Variants in AMN1 observed in about 807,000 individuals in gnomAD.
AMN1 encodes antagonist of mitotic exit network 1 homolog, also known as protein AMN1 homolog.
AMN1 carries 20 observed loss-of-function variants against 33.0 expected under a neutral mutation model. That is an observed-to-expected ratio of 0.61 (90% CI 0.43 to 0.88). The LOEUF is 0.88. AMN1 is among the 40% of genes least tolerant of loss of function. The pLI is 0.00. For missense variants in AMN1, 246 were observed against 307.4 expected (o/e 0.80, Z 1.49); for synonymous variants, 114 against 111.9 (o/e 1.02, Z -0.12).
At chr12:31,713,923 CTGTT>C (rs1227008653) in intron 1 of AMN1, among the ~76,000 whole-genome samples, 2 of 152,184 alleles carry the variant, frequency 1.3e-5, no homozygotes, top group African/African-American at 2.4e-5. Context: ...CTATGTATCT[CTGTT>C]TGTAGAGACA....
At chr12:31,711,620 T>C (rs989148372) in intron 1 of AMN1, among the ~76,000 whole-genome samples, 2 of 152,088 alleles carry the variant, frequency 1.3e-5, no homozygotes, top group African/African-American at 4.8e-5. Flanking sequence ...ATTTTCAGGG[T>C]ACATGTGATA....
At chr12:31,726,983 T>G (rs1031598271) in intron 1 of AMN1, among the ~76,000 whole-genome samples, 1 of 152,010 alleles carries the variant, frequency 6.6e-6, no homozygotes, top group Non-Finnish European at 1.5e-5. Context: ...ATTTATCTAT[T>G]TATTTATTTA....
In AMN1 at chr12:31,706,639, G is replaced by A. The variant is rs74085165; in HGVS notation, c.171+2654C>T. On this transcript the variant is annotated intron_variant, in intron 2 of 6. Transcript: ENST00000281471. ...CTATTTAATAACCTTTAAAATCAGA[G>A]GCTGAAGGTTAAGCCCTAATCTCAC... 8.3e-3 allele frequency among the ~76,000 whole-genome samples: 1,271 copies of A among 152,300 alleles called. 18 individuals are homozygous for A. Among genetic ancestry groups the A allele is most frequent in the African/African-American group, 0.029 (1,199 of 41,558 alleles).
chr12:31,703,756 C>T (rs997427908), intron 2 of AMN1, among the ~76,000 whole-genome samples: 1 of 152,066 alleles, frequency 6.6e-6, no homozygotes, highest in African/African-American at 2.4e-5. Flanking sequence ...TATATTATTC[C>T]ATTTTCTGCA....
At chr12:31,703,925 C>T (rs1939113237) in intron 2 of AMN1, among the ~76,000 whole-genome samples, 1 of 152,188 alleles carries the variant, frequency 6.6e-6, no homozygotes, top group East Asian at 1.9e-4. Context: ...GCTCAGTTTT[C>T]TCTCTGTGCT....
intron 2 of AMN1, 29 bp from the exon 3 acceptor site, chr12:31,702,036 T>A (rs759776349): frequency 2.6e-6 from 4 of 1,525,370 alleles, no homozygotes; most frequent in East Asian, 2.4e-5. Context: ...TTTGAAAAAA[T>A]TATTTCTTTC....
At chr12:31,728,089 G>A (rs7298704) in intron 1 of AMN1, among the ~76,000 whole-genome samples, 17 of 151,742 alleles carry the variant, frequency 1.1e-4, no homozygotes, top group South Asian at 4.2e-4. Flanking sequence ...TCGAACTCCT[G>A]AGCTCAAGCA....
In AMN1 at chr12:31,687,001, TTTTTTTC is replaced by T. The variant is rs1360084426; in HGVS notation, c.703+1999_703+2005del. On this transcript the variant is annotated intron_variant, in intron 6 of 6. Transcript: ENST00000281471. This position sits in a 1 kb window ranked among gnomAD's most constrained non-coding sequence, Gnocchi z 4.1. ...GCAGCTAACCCCAGTTAACAGTTTC[TTTTTTTC>T]TTTTTTCTTTTTCTTTTTTTGACAC... is the stretch of plus-strand genomic sequence containing the variant. Among the ~76,000 whole-genome samples the T allele has an allele frequency of 1.3e-5, 2 of 152,154 alleles. No homozygotes were observed. Among genetic ancestry groups the T allele is most frequent in the African/African-American group, 4.8e-5 (2 of 41,450 alleles).
At position 31,676,477 on chromosome 12, in the gene AMN1, C is replaced by T. The variant is rs1434175486; in HGVS notation, c.704-4100G>A. Among the ~76,000 whole-genome samples the T allele has an allele frequency of 2.0e-5, 3 of 150,868 alleles. No homozygotes were observed. In the East Asian group the frequency reaches 5.9e-4, roughly 30 times the overall value. On this transcript the variant is annotated intron_variant, in intron 6 of 6. Transcript: ENST00000281471. The stretch of plus-strand genomic sequence containing the variant: ...ATGCAAAAATTAGCCAGAATTTGGC[C>T]CCCCCAGCTAATTTTTTTGTATTTT...
At chr12:31,699,537 T>C (rs1212074454) in intron 3 of AMN1, among the ~76,000 whole-genome samples, 1 of 151,876 alleles carries the variant, frequency 6.6e-6, no homozygotes, top group Non-Finnish European at 1.5e-5. Flanking sequence ...GGGCAGTGTA[T>C]CCCAACTCCA....
rs758053673 is a variant in AMN1 at position 31,701,932 on chromosome 12, T to TA, written c.246dup (p.Asn83Ter). 5 of 1,609,792 alleles carry TA rather than the reference T, an allele frequency of 3.1e-6. No homozygotes were observed. Among genetic ancestry groups the TA allele is most frequent in the Non-Finnish European group, 4.2e-6 (5 of 1,178,686 alleles). ...TTTAATTTCTTCAGTTTTCTACAGT[T>TA]AGACAGGTGCAGGAGAGCAGCATCT... is the stretch of plus-strand genomic sequence containing the variant. On this transcript the variant is annotated frameshift_variant, in exon 3 of 7. Coordinates refer to ENST00000281471, the MANE Select transcript of AMN1 (RefSeq NM_001113402.2). LOFTEE classifies it high-confidence loss of function.
At chr12:31,718,882 C>A (rs1370239396) in intron 1 of AMN1, among the ~76,000 whole-genome samples, 1 of 152,250 alleles carries the variant, frequency 6.6e-6, no homozygotes, top group Non-Finnish European at 1.5e-5. Context: ...ACCGCCTACT[C>A]AAGCCTCAGC....
At chr12:31,717,539 A>C (rs1565781648) in intron 1 of AMN1, among the ~76,000 whole-genome samples, 1 of 152,130 alleles carries the variant, frequency 6.6e-6, no homozygotes, top group African/African-American at 2.4e-5. Flanking sequence ...AGATTAAATA[A>C]ATTCTTCTCT....
At chr12:31,718,571 T>C (rs761675430) in intron 1 of AMN1, among the ~76,000 whole-genome samples, 1 of 152,226 alleles carries the variant, frequency 6.6e-6, no homozygotes, top group Non-Finnish European at 1.5e-5. Flanking sequence ...GTCTTTGATG[T>C]TGGTGACCTA....
intron 6 of AMN1, chr12:31,673,472 T>G (rs1951323617): frequency 1.1e-5 from 2 of 189,832 alleles, no homozygotes; most frequent in Non-Finnish European, 2.3e-5. Context: ...CATAAAAATA[T>G]TATTGGTTAT....
chr12:31,711,510 G>T (rs1030192943), intron 1 of AMN1, among the ~76,000 whole-genome samples: 3 of 152,168 alleles, frequency 2.0e-5, no homozygotes, highest in Non-Finnish European at 4.4e-5. Flanking sequence ...ATCCTTGCAT[G>T]AGCTTGCTGG....
chr12:31,699,395 CAAAAA>C (rs34860207), intron 3 of AMN1, among the ~76,000 whole-genome samples: 221 of 36,854 alleles, frequency 6.0e-3, no homozygotes, highest in Non-Finnish European at 8.1e-3. Context: ...GACTCTGTCT[CAAAAA>C]AAAAAAAAAA....
At chr12:31,694,435 T>C (rs1320541761) in intron 5 of AMN1, among the ~76,000 whole-genome samples, 1 of 117,362 alleles carries the variant, frequency 8.5e-6, no homozygotes. Flanking sequence ...AGAGCGAAAC[T>C]CTGTCTCAAA....
At chr12:31,697,288 C>T in intron 5 of AMN1, 73 bp downstream of exon 5, 1 of 1,359,962 alleles carries the variant, frequency 7.4e-7, no homozygotes, top group Non-Finnish European at 1.0e-6. Flanking sequence ...TGGTTATCCG[C>T]TAGGTTTTAA....
Sources: allele counts gnomAD v4.1 joint callset (sites outside exome capture counted in the v4.1 genomes callset), GRCh38; gene constraint gnomAD v4.1.1; non-coding constraint Gnocchi (gnomAD v3.1); transcripts MANE v1.5; gene names NCBI Gene and HGNC (gene_info 2026-07-23, HGNC 2026-07-21).